Variants in ATG10 observed in about 807,000 individuals in gnomAD.
ATG10 encodes ubiquitin-like-conjugating enzyme ATG10.
A neutral mutation model predicts 32.1 loss-of-function variants in ATG10; 30 were observed. The ratio of observed to expected loss-of-function variants is 0.94; its 90% CI spans 0.70 to 1.27. The LOEUF is 1.27. Ranked by LOEUF, ATG10 falls within the 50% of genes most tolerant of loss-of-function variation. The probability of loss-of-function intolerance (pLI) is 0.00; values close to 1 mark genes in which losing one functional copy is unlikely to be tolerated. For synonymous variants in ATG10, 87 were observed against 91.5 expected (o/e 0.95, Z 0.28); for missense variants, 233 against 262.3 (o/e 0.89, Z 0.77).
chr5:82,028,500 T>G (rs1215482058), intron 2 of ATG10, among the ~76,000 whole-genome samples: 1 of 152,198 alleles, frequency 6.6e-6, no homozygotes, highest in Non-Finnish European at 1.5e-5. Flanking sequence ...TTGAATAGGA[T>G]TCAAATAATT....
intron 2 of ATG10, among the ~76,000 whole-genome samples, chr5:81,990,834 A>G (rs1258010273): frequency 2.6e-5 from 4 of 152,240 alleles, no homozygotes; most frequent in Non-Finnish European, 5.9e-5. Flanking sequence ...CAGGAGTCCA[A>G]GTGTTACCAG....
At chr5:82,069,982 C>T (rs899178343) in intron 3 of ATG10, among the ~76,000 whole-genome samples, 3 of 152,134 alleles carry the variant, frequency 2.0e-5, no homozygotes, top group Non-Finnish European at 2.9e-5. Context: ...ATGGTGCCTG[C>T]GAATTTGCTG....
intron 5 of ATG10, among the ~76,000 whole-genome samples, chr5:82,241,528 T>C (rs1451356542): frequency 6.6e-6 from 1 of 152,162 alleles, no homozygotes; most frequent in African/African-American, 2.4e-5. Flanking sequence ...TCCACTGTCA[T>C]TCCTCTTCAT....
intron 2 of ATG10, among the ~76,000 whole-genome samples, chr5:82,017,347 C>T (rs1762317485): frequency 6.6e-6 from 1 of 152,098 alleles, no homozygotes; most frequent in Admixed American, 6.6e-5. Flanking sequence ...ATGTCCTTAG[C>T]AAACAGTGAC....
At chr5:82,215,137 C>A (rs1330504871) in intron 5 of ATG10, among the ~76,000 whole-genome samples, 2 of 152,116 alleles carry the variant, frequency 1.3e-5, no homozygotes, top group African/African-American at 4.8e-5. Flanking sequence ...GACGTCATCT[C>A]AAGGCTTGAT....
chr5:81,997,178 C>T (rs1028021209), intron 2 of ATG10, among the ~76,000 whole-genome samples: 9 of 152,212 alleles, frequency 5.9e-5, no homozygotes, highest in South Asian at 2.1e-4. Context: ...GCTACTAGTA[C>T]GTGCAAATGA....
intron 5 of ATG10, among the ~76,000 whole-genome samples, chr5:82,214,704 G>A (rs1417757135): frequency 6.6e-6 from 1 of 152,190 alleles, no homozygotes; most frequent in Admixed American, 6.5e-5. Context: ...TAGCTCACCA[G>A]AGGCCTTCTG....
chr5:82,201,717 G>C (rs1745076164), intron 5 of ATG10, among the ~76,000 whole-genome samples: 1 of 152,106 alleles, frequency 6.6e-6, no homozygotes, highest in Non-Finnish European at 1.5e-5. Flanking sequence ...TTGGATCTGT[G>C]GGTTGATTTG....
At chr5:82,018,956 C>A (rs780012214) in intron 2 of ATG10, among the ~76,000 whole-genome samples, 2 of 152,036 alleles carry the variant, frequency 1.3e-5, no homozygotes, top group Non-Finnish European at 2.9e-5. Context: ...TCTTTCTTTG[C>A]CCAGTCTGTG....
rs142882049 is a variant in ATG10 at position 82,018,334 on chromosome 5, C to T, written c.108+30656C>T. Among the ~76,000 whole-genome samples the T allele has an allele frequency of 2.4e-3, 359 of 152,220 alleles. 2 individuals are homozygous for T. Among genetic ancestry groups the T allele is most frequent in the African/African-American group, 7.8e-3 (323 of 41,526 alleles). On this transcript the variant is annotated intron_variant, in intron 2 of 7. Coordinates refer to ENST00000282185, the MANE Select transcript of ATG10 (RefSeq NM_031482.5). ...CCTTTTCATAATATCCAGAATCATA[C>T]CATCTGTCATCATCTTCCCTGCTAC...
chr5:82,110,509 G>T (rs564585592), intron 3 of ATG10, among the ~76,000 whole-genome samples: 1 of 152,192 alleles, frequency 6.6e-6, no homozygotes, highest in African/African-American at 2.4e-5. Context: ...GTGTGAGATG[G>T]TATCTCATTG....
rs146478684 is a variant in ATG10 at position 82,237,279 on chromosome 5, C to G, written c.454-15283C>G. Among the ~76,000 whole-genome samples the G allele has an allele frequency of 3.9e-3, 591 of 152,196 alleles. 4 individuals are homozygous for G. The highest frequency in any genetic ancestry group is 0.013 in the African/African-American group (552 of 41,510). On this transcript the variant is annotated intron_variant, in intron 5 of 7. Coordinates refer to ENST00000282185, the MANE Select transcript of ATG10 (RefSeq NM_031482.5). ...CTGTTTCTGGCTTATATTCTACGGC[C>G]ACACTTTGCTTTTCTCCTCCCTGAG...
chr5:82,192,430 T>G (rs1295219976), intron 5 of ATG10, among the ~76,000 whole-genome samples: 2 of 152,196 alleles, frequency 1.3e-5, no homozygotes, highest in East Asian at 3.8e-4. Flanking sequence ...GATACCATAT[T>G]ATATAGCTTG....
At chr5:82,012,579 G>C (rs1052348505) in intron 2 of ATG10, among the ~76,000 whole-genome samples, 3 of 152,154 alleles carry the variant, frequency 2.0e-5, no homozygotes, top group African/African-American at 7.2e-5. Flanking sequence ...GTACAATTCT[G>C]TATGGTGGTC....
intron 2 of ATG10, among the ~76,000 whole-genome samples, chr5:82,051,481 G>A (rs1763423062): frequency 6.6e-6 from 1 of 152,168 alleles, no homozygotes; most frequent in African/African-American, 2.4e-5. Flanking sequence ...TATCAAAGAT[G>A]AAATGTATTA....
intron 3 of ATG10, among the ~76,000 whole-genome samples, chr5:82,139,528 GC>G (rs1180273279): frequency 6.8e-5 from 10 of 146,252 alleles, no homozygotes; most frequent in South Asian, 4.4e-4. Flanking sequence ...CCTCTGCCCG[GC>G]CGAGACCCCG....
chr5:81,985,368 T>C (rs1255001563), intron 1 of ATG10, among the ~76,000 whole-genome samples: 4 of 152,146 alleles, frequency 2.6e-5, no homozygotes, highest in African/African-American at 9.7e-5. Flanking sequence ...TTCTCTCTGA[T>C]TGATGAAATG....
At chr5:81,993,803 A>G (rs1055131202) in intron 2 of ATG10, among the ~76,000 whole-genome samples, 8 of 152,264 alleles carry the variant, frequency 5.3e-5, no homozygotes, top group East Asian at 1.9e-4. Context: ...GTCTTTTATT[A>G]TAGAAATAAT....
At chr5:81,999,387 T>A (rs1761769017) in intron 2 of ATG10, among the ~76,000 whole-genome samples, 1 of 152,096 alleles carries the variant, frequency 6.6e-6, no homozygotes, top group South Asian at 2.1e-4. Context: ...AAAGCAGTGA[T>A]AAGAGGGAAG....
Sources: allele counts gnomAD v4.1 joint callset (sites outside exome capture counted in the v4.1 genomes callset), GRCh38; gene constraint gnomAD v4.1.1; transcripts MANE v1.5; gene names NCBI Gene and HGNC (gene_info 2026-07-23, HGNC 2026-07-21).